Variants in HPCAL1 observed in about 807,000 individuals in gnomAD.
HPCAL1 encodes the protein hippocalcin-like protein 1.
In HPCAL1, 8 loss-of-function variants were observed where a neutral mutation model predicts 17.1. The ratio of observed to expected loss-of-function variants is 0.47; its 90% CI spans 0.27 to 0.84. HPCAL1 has a LOEUF of 0.84. HPCAL1 is among the 40% of genes least tolerant of loss of function. The pLI, the probability that HPCAL1 is intolerant of heterozygous loss-of-function variation, is 0.13. For missense variants in HPCAL1, 165 were observed against 271.1 expected, an observed-to-expected ratio of 0.61 and a Z score of 2.75; for synonymous variants, 112 against 111.4, an observed-to-expected ratio of 1.01 and a Z score of -0.03.
rs372364619 is a variant in HPCAL1, at chr2:10,324,853, C to T, written c.-111+21676C>T. Among the ~76,000 whole-genome samples the T allele has an allele frequency of 1.1e-4, 15 of 133,200 alleles. No homozygotes were observed. In the East Asian group the frequency reaches 1.3e-3, roughly 12 times the overall value. 87.4% of individuals were successfully genotyped at this position (133,200 alleles called of 152,430 possible). ...TTTTTTTTTTTTTGAGACAGAGTCTCGCTCTGTCACCCAGGCTGGAGTGCA... is the reference window on the plus strand; with the variant it reads ...TTTTTTTTTTTTTGAGACAGAGTCTTGCTCTGTCACCCAGGCTGGAGTGCA... On this transcript the variant is annotated intron_variant, in intron 1 of 4. Coordinates refer to ENST00000307845, the MANE Select transcript of HPCAL1 (RefSeq NM_002149.4).
intron 2 of HPCAL1, among the ~76,000 whole-genome samples, chr2:10,414,908 C>T (rs570164201): frequency 5.9e-5 from 9 of 152,204 alleles, no homozygotes; most frequent in Non-Finnish European, 1.0e-4. Flanking sequence ...GGAGGCTGAA[C>T]TAGAGACACC....
chr2:10,398,908 C>T (rs1030302807), intron 2 of HPCAL1, among the ~76,000 whole-genome samples: 24 of 152,052 alleles, frequency 1.6e-4, no homozygotes, highest in African/African-American at 5.8e-4. Context: ...TGTGAAGGGG[C>T]CACTTCCACT....
intron 1 of HPCAL1, among the ~76,000 whole-genome samples, chr2:10,320,558 C>A (rs1663613445): frequency 1.3e-5 from 2 of 152,346 alleles, no homozygotes; most frequent in African/African-American, 2.4e-5. Context: ...CCAATTAAAC[C>A]TCTTTTCTTT....
intron 1 of HPCAL1, among the ~76,000 whole-genome samples, chr2:10,361,716 AT>A (rs199534306): frequency 6.8e-3 from 974 of 142,448 alleles, no homozygotes; most frequent in African/African-American, 9.2e-3. Context: ...AACTTCTTAA[AT>A]TTTTTTTTTT....
At chr2:10,414,175 G>T (rs1238368561) in intron 2 of HPCAL1, among the ~76,000 whole-genome samples, 3 of 152,240 alleles carry the variant, frequency 2.0e-5, no homozygotes, top group African/African-American at 7.2e-5. Context: ...GCTGCTTCTG[G>T]CTGTCCCTGC....
At chr2:10,409,409 G>C (rs1330011408) in intron 2 of HPCAL1, among the ~76,000 whole-genome samples, 4 of 152,170 alleles carry the variant, frequency 2.6e-5, no homozygotes, top group African/African-American at 9.7e-5. Flanking sequence ...ATCACCCAGG[G>C]GCAAAACGGG....
In HPCAL1 at chr2:10,354,697, C is replaced by T. The variant is rs1035389521; in HGVS notation, c.-110-42138C>T. Among the ~76,000 whole-genome samples the T allele has an allele frequency of 1.3e-5, 2 of 152,242 alleles. No individual in the cohort carries two copies. Among genetic ancestry groups the T allele is most frequent in the Non-Finnish European group, 2.9e-5 (2 of 68,046 alleles). On this transcript the variant is annotated intron_variant, in intron 1 of 4. Transcript: ENST00000307845. The surrounding 1 kb of genome is among the most constrained non-coding windows in gnomAD (Gnocchi z 5.1). The stretch of plus-strand genomic sequence containing the variant: ...TTAACTACTCAAAAACTACTGTTTA[C>T]GTATTTTACTTTGACTTCTTTCTGG...
At chr2:10,401,720 A>G (rs1273716934) in intron 2 of HPCAL1, among the ~76,000 whole-genome samples, 1 of 152,142 alleles carries the variant, frequency 6.6e-6, no homozygotes, top group African/African-American at 2.4e-5. Context: ...ATTCCTAGCC[A>G]CACCCTGGGT....
At chr2:10,381,968 A>C (rs937992487) in intron 1 of HPCAL1, among the ~76,000 whole-genome samples, 1 of 152,248 alleles carries the variant, frequency 6.6e-6, no homozygotes, top group African/African-American at 2.4e-5. Context: ...AAACCTGCAC[A>C]TGGGTGTTCA....
At chr2:10,372,685 G>T (rs1454394838) in intron 1 of HPCAL1, among the ~76,000 whole-genome samples, 2 of 152,206 alleles carry the variant, frequency 1.3e-5, no homozygotes, top group African/African-American at 4.8e-5. Context: ...GGTGGCGTGG[G>T]TCCCATCGCT....
chr2:10,391,231 G>A (rs1186039851), intron 1 of HPCAL1, among the ~76,000 whole-genome samples: 3 of 152,122 alleles, frequency 2.0e-5, no homozygotes, highest in South Asian at 2.1e-4. Flanking sequence ...GGCTGCCAGG[G>A]GGGTTTGCAG....
chr2:10,371,300 C>T (rs896499316), intron 1 of HPCAL1, among the ~76,000 whole-genome samples: 4 of 152,110 alleles, frequency 2.6e-5, no homozygotes, highest in African/African-American at 7.2e-5. Flanking sequence ...AGTGGACAAG[C>T]CAGGCTTGTG....
intron 1 of HPCAL1, among the ~76,000 whole-genome samples, chr2:10,332,072 G>A (rs569164396): frequency 5.3e-5 from 8 of 152,064 alleles, no homozygotes; most frequent in Non-Finnish European, 1.2e-4. Flanking sequence ...TGTGTCACTT[G>A]TTGCTTCAGA....
rs1666901452 is a variant in HPCAL1, at chr2:10,367,182, G to T, written c.-110-29653G>T. On this transcript the variant is annotated intron_variant, in intron 1 of 4. Coordinates refer to ENST00000307845, the MANE Select transcript of HPCAL1 (RefSeq NM_002149.4). The surrounding 1 kb of genome is among the most constrained non-coding windows in gnomAD (Gnocchi z 4.4). The stretch of plus-strand genomic sequence containing the variant: ...TATTGTCATCTGCTTGGGACTTGAG[G>T]GTAACTTCATCTCTCAAAATAGGCT... Among the ~76,000 whole-genome samples the T allele has an allele frequency of 2.6e-5, 4 of 151,800 alleles. No individual in the cohort carries two copies. The highest frequency in any genetic ancestry group is 6.6e-5 in the Admixed American group (1 of 15,248).
At chr2:10,346,235 G>A (rs1285110246) in intron 1 of HPCAL1, among the ~76,000 whole-genome samples, 1 of 151,986 alleles carries the variant, frequency 6.6e-6, no homozygotes, top group Non-Finnish European at 1.5e-5. Flanking sequence ...TTGGGGAGCA[G>A]CAGTGACTGC....
At chr2:10,381,915 T>C (rs1667962284) in intron 1 of HPCAL1, among the ~76,000 whole-genome samples, 1 of 152,192 alleles carries the variant, frequency 6.6e-6, no homozygotes, top group Non-Finnish European at 1.5e-5. Flanking sequence ...TCATGCTCCT[T>C]GATATTTACC....
intron 3 of HPCAL1, among the ~76,000 whole-genome samples, chr2:10,422,421 A>AG (rs893609523): frequency 2.7e-4 from 41 of 152,150 alleles, no homozygotes; most frequent in African/African-American, 9.7e-4. Flanking sequence ...CACATGCCCC[A>AG]GGCTGGGCCA....
chr2:10,385,501 C>T (rs146554948), intron 1 of HPCAL1, among the ~76,000 whole-genome samples: 100 of 152,204 alleles, frequency 6.6e-4, no homozygotes, highest in Non-Finnish European at 1.2e-3. Flanking sequence ...CTGCTTCTCT[C>T]GGAGGCCGGG....
In HPCAL1 at chr2:10,310,585, G is replaced by C. The variant is rs1160307943; in HGVS notation, c.-111+7408G>C. Among the ~76,000 whole-genome samples the C allele has an allele frequency of 1.3e-5, 2 of 152,058 alleles. No homozygotes were observed. The highest frequency in any genetic ancestry group is 6.6e-5 in the Admixed American group (1 of 15,260). On this transcript the variant is annotated intron_variant, in intron 1 of 4. Coordinates refer to ENST00000307845, the MANE Select transcript of HPCAL1 (RefSeq NM_002149.4). This position sits in a 1 kb window ranked among gnomAD's most constrained non-coding sequence, Gnocchi z 4.5. ...ATGCCTTCTGAGAAGCATCTGTCAG[G>C]GTCCCTGATGCACCTACAGAGACCC...
Sources: gnomAD v4.1 joint callset for allele counts (sites outside exome capture counted in the v4.1 genomes callset) on GRCh38, gnomAD v4.1.1 for gene constraint, Gnocchi (gnomAD v3.1) non-coding constraint, MANE v1.5 for transcripts, NCBI Gene and HGNC (gene_info 2026-07-23, HGNC 2026-07-21) for gene names.